ASL: variants seen among roughly 807,000 people sequenced by gnomAD.
ASL encodes argininosuccinate lyase, also known as argininosuccinase.
In ASL, 51 loss-of-function variants were observed where a neutral mutation model predicts 69.1. The ratio of observed to expected loss-of-function variants is 0.74; its 90% CI spans 0.59 to 0.93. The LOEUF (loss-of-function observed/expected upper bound fraction) is 0.93. ASL is among the 40% of genes least tolerant of loss of function. The probability of loss-of-function intolerance (pLI) is 0.00; values close to 1 mark genes in which losing one functional copy is unlikely to be tolerated. For synonymous variants in ASL, 241 were observed against 247.6 expected (o/e 0.97, Z 0.25); for missense variants, 540 against 623.9 (o/e 0.87, Z 1.43).
intron 2 of ASL, 26 bp downstream of exon 2, chr7:66,076,119 T>C (rs1296191190): frequency 1.9e-6 from 3 of 1,586,290 alleles, no homozygotes; most frequent in Non-Finnish European, 2.6e-6. Context: ...GGGACTCCGG[T>C]CCTCCTAGCC....
At position 66,089,155 on chromosome 7, in the gene ASL, G is replaced by T. The variant is rs1786763547; in HGVS notation, c.898G>T (p.Ala300Ser). Reference protein sequence around the residue: ...PDSLELIRSKAGRVFGRCAGL... With the variant: ...PDSLELIRSKSGRVFGRCAGL... Reference sequence around the variant, plus strand: ...CAGTTTGGAGCTGATCCGGAGCAAGGCTGGGCGTGTGTTTGGGCGGGTGAG... The same window carrying T: ...CAGTTTGGAGCTGATCCGGAGCAAGTCTGGGCGTGTGTTTGGGCGGGTGAG... The change falls in exon 12 of 17, where the codon GCT (alanine) becomes TCT (serine). Residue 300 changes from alanine to serine, a missense_variant. Ala to Ser is a moderately conservative substitution (Grantham distance 99, BLOSUM62 1). Transcript: ENST00000304874. The T allele has an allele frequency of 6.2e-7, 1 of 1,614,014 alleles. No homozygotes were observed. Among genetic ancestry groups the T allele is most frequent in the Non-Finnish European group, 8.5e-7 (1 of 1,179,968 alleles).
chr7:66,083,468 T>C (rs1786570614), intron 6 of ASL: 1 of 351,444 alleles, frequency 2.8e-6, no homozygotes, highest in Non-Finnish European at 5.6e-6. Context: ...GTGGATCACC[T>C]GAGGTCAGGA....
chr7:66,086,735 T>G lies in ASL; in HGVS notation c.525-9T>G. 1 of 1,608,764 alleles carries G rather than the reference T, an allele frequency of 6.2e-7. No homozygotes were observed. Among genetic ancestry groups the G allele is most frequent in the Non-Finnish European group, 8.5e-7 (1 of 1,178,172 alleles). The stretch of plus-strand genomic sequence containing the variant: ...CTGCCCTGACCCTCCTGCCCCTGGC[T>G]TCCCACAGCCACGCCGTGGCACTGA... On this transcript the variant is annotated splice_polypyrimidine_tract_variant and intron_variant, in intron 7 of 16. Transcript: ENST00000304874.
chr7:66,086,075 G>A (rs1333615376), intron 6 of ASL, among the ~76,000 whole-genome samples: 8 of 152,084 alleles, frequency 5.3e-5, no homozygotes, highest in South Asian at 4.1e-4. Context: ...GCAACAGAAC[G>A]AGACCTTGTC....
Position 66,083,128 on chromosome 7 carries a change from G to A in ASL, c.400G>A (p.Gly134Ser), listed in dbSNP as rs2115700439. Residue 134 changes from glycine (G) to serine (S), a missense_variant, in exon 6 of 17, where the codon GGC becomes AGC. Gly to Ser is a moderately conservative substitution (Grantham distance 56). Transcript: ENST00000304874. The stretch of plus-strand genomic sequence containing the variant: ...GCGGCAGACCTGCTCCACGCTCTCG[G>A]GCCTCCTCTGGGAGCTCATTAGGAC... ...WMRQTCSTLS[G>S]LLWELIRTMV... The A allele has an allele frequency of 6.2e-7, 1 of 1,613,512 alleles. No individual in the cohort carries two copies. The highest frequency in any genetic ancestry group is 1.7e-4 in the Middle Eastern group (1 of 5,958).
intron 2 of ASL, among the ~76,000 whole-genome samples, chr7:66,080,439 A>G (rs893910715): frequency 6.6e-5 from 10 of 151,124 alleles, no homozygotes; most frequent in African/African-American, 2.4e-4. Context: ...TGAACAAAAC[A>G]GGCTCGGCAC....
rs1439522411 is a variant in ASL at position 66,092,934 on chromosome 7, A to G, written c.*22A>G. The G allele has an allele frequency of 1.3e-6, 2 of 1,598,146 alleles. No homozygotes were observed. ...CTAGGTCCTCCCACACCTGCCCCCT[A>G]ATAAAGTGGGCGCGAGAGGAGGCTG... On this transcript the variant is annotated 3_prime_UTR_variant, in exon 17 of 17. Coordinates refer to ENST00000304874, the MANE Select transcript of ASL (RefSeq NM_000048.4).
chr7:66,082,846 T>C, intron 4 of ASL, 34 bp from the exon 5 acceptor site: 1 of 1,612,742 alleles, frequency 6.2e-7, no homozygotes, highest in Non-Finnish European at 8.5e-7. Context: ...TCTGGGGGTA[T>C]AGACCGTGAC....
intron 14 of ASL, among the ~76,000 whole-genome samples, chr7:66,091,283 C>G (rs1258860629): frequency 6.6e-6 from 1 of 151,642 alleles, no homozygotes; most frequent in East Asian, 1.9e-4. Context: ...AGTGGCTAGG[C>G]CTGGTGGCTC....
At chr7:66,083,201 G>A (rs536542431) in intron 6 of ASL, 27 bp downstream of exon 6, 7 of 1,608,236 alleles carry the variant, frequency 4.4e-6, no homozygotes, top group Admixed American at 1.7e-5. Context: ...CACCCAGGGG[G>A]CAGACAGAGG....
At position 66,076,048 on chromosome 7, in the gene ASL, A is replaced by G. The variant is rs913916151; in HGVS notation, c.-34A>G. The G allele has an allele frequency of 9.4e-6, 15 of 1,593,160 alleles. No individual in the cohort carries two copies. In the African/African-American group the frequency reaches 1.5e-4, roughly 16 times the overall value. ...CGGTCTTGTCTTCCAGACCCGGAGGACCGAAGCTTCCGGACGACGAGGAAC... is the reference window on the plus strand; with the variant it reads ...CGGTCTTGTCTTCCAGACCCGGAGGGCCGAAGCTTCCGGACGACGAGGAAC... On this transcript the variant is annotated 5_prime_UTR_variant, in exon 2 of 17. Coordinates refer to ENST00000304874, the MANE Select transcript of ASL (RefSeq NM_000048.4).
chr7:66,090,392 G>T (rs2115751023), intron 14 of ASL, among the ~76,000 whole-genome samples: 1 of 152,182 alleles, frequency 6.6e-6, no homozygotes, highest in South Asian at 2.1e-4. Context: ...TCCCACCTCA[G>T]TCTCCAGAGT....
intron 6 of ASL, among the ~76,000 whole-genome samples, chr7:66,085,240 GC>G (rs1297735635): frequency 6.6e-6 from 1 of 152,132 alleles, no homozygotes; most frequent in East Asian, 1.9e-4. Flanking sequence ...ACTTTGGAAG[GC>G]TGAGGCGGGT....
Position 66,089,035 on chromosome 7 carries a change from C to T in ASL, c.834-56C>T, listed in dbSNP as rs1017897955. 5.6e-6 allele frequency: 9 copies of T among 1,611,086 alleles called. No homozygotes were observed. In the African/African-American group the frequency reaches 9.3e-5, roughly 17 times the overall value. On this transcript the variant is annotated intron_variant, in intron 11 of 16. Transcript: ENST00000304874. Reference sequence around the variant, plus strand: ...ACCCCTCCGCCAGACCTGGCCATTGCGGCGCTGGACCAGCCAAGGGTCCAG... The same window carrying T: ...ACCCCTCCGCCAGACCTGGCCATTGTGGCGCTGGACCAGCCAAGGGTCCAG...
intron 14 of ASL, 55 bp from the exon 15 acceptor site, chr7:66,091,951 C>T: frequency 6.3e-7 from 1 of 1,593,246 alleles, no homozygotes; most frequent in Non-Finnish European, 8.6e-7. Context: ...CTGGGCCTGG[C>T]AGCTTCAGAT....
chr7:66,082,920 G>A lies in ASL; in HGVS notation c.332G>A (p.Arg111Gln), dbSNP rs561367199. The stretch of plus-strand genomic sequence containing the variant: ...ACGGCAGGGAAGCTGCACACGGGAC[G>A]GAGCCGGAATGACCAGGTGCTTTAG... ...GATAGKLHTG[R>Q]SRNDQVVTDL... Residue 111 changes from arginine (R) to glutamine (Q), a missense_variant, in exon 5 of 17, where the codon CGG (arginine) becomes CAG (glutamine). Coordinates refer to ENST00000304874, the MANE Select transcript of ASL (RefSeq NM_000048.4). 23 of 1,613,630 alleles carry A rather than the reference G, an allele frequency of 1.4e-5. 1 individual carries two copies. Among genetic ancestry groups the A allele is most frequent in the Middle Eastern group, 3.3e-4 (2 of 6,002 alleles).
rs751062108 is a variant in ASL at position 66,081,880 on chromosome 7, C to T, written c.90C>T (p.Tyr30=). The T allele has an allele frequency of 4.6e-5, 74 of 1,614,054 alleles. 1 individual carries two copies. In the South Asian group the frequency reaches 4.6e-4, roughly 10 times the overall value. The change falls in exon 3 of 17, where the codon TAC becomes TAT. Residue 30 remains tyrosine, a synonymous_variant. Transcript: ENST00000304874. ...IMEKFNASIA[Y]DRHLWEVDVQ... ...AGAAGTTCAACGCGTCCATTGCCTACGACCGGCACCTTTGGGAGGTGGATG... is the reference window on the plus strand; with the variant it reads ...AGAAGTTCAACGCGTCCATTGCCTATGACCGGCACCTTTGGGAGGTGGATG...
At chr7:66,089,562 T>C (rs767424019) in intron 13 of ASL, 50 bp from the exon 14 acceptor site, 3 of 1,599,912 alleles carry the variant, frequency 1.9e-6, no homozygotes, top group Non-Finnish European at 2.6e-6. Context: ...GTGGGGACCC[T>C]GGGTGCCAGG....
chr7:66,084,642 C>T (rs1220440520), intron 6 of ASL, among the ~76,000 whole-genome samples: 1 of 151,844 alleles, frequency 6.6e-6, no homozygotes, highest in African/African-American at 2.4e-5. Flanking sequence ...ACCTGTGAGA[C>T]AGAGTCTTGC....
Sources: allele counts gnomAD v4.1 joint callset (sites outside exome capture counted in the v4.1 genomes callset), GRCh38; gene constraint gnomAD v4.1.1; transcripts MANE v1.5; gene names NCBI Gene and HGNC (gene_info 2026-07-23, HGNC 2026-07-21).